The following DCAF6 variants were observed in gnomAD, a reference collection of about 807,000 sequenced individuals.
DCAF6 encodes DDB1- and CUL4-associated factor 6.
Under a neutral mutation model 125.1 loss-of-function variants are expected in DCAF6, and 54 were observed. The ratio of observed to expected loss-of-function variants is 0.43; its 90% CI spans 0.35 to 0.54. The LOEUF is 0.54. Among genes scored for constraint, DCAF6 ranks in the 20% least tolerant of loss-of-function variants. DCAF6 has a pLI of 0.01. For synonymous variants in DCAF6, 371 were observed against 390.4 expected (o/e 0.95, Z 0.58); for missense variants, 934 against 1,161.7 (o/e 0.80, Z 2.85).
intron 11 of DCAF6, among the ~76,000 whole-genome samples, chr1:168,020,454 T>TA (rs1342449069): frequency 6.6e-6 from 1 of 152,160 alleles, no homozygotes; most frequent in Non-Finnish European, 1.5e-5. Flanking sequence ...TTTTTGGAAA[T>TA]ACACAGTAAT....
intron 2 of DCAF6, among the ~76,000 whole-genome samples, chr1:167,956,057 T>C (rs12744717): frequency 6.6e-6 from 1 of 152,210 alleles, no homozygotes; most frequent in Non-Finnish European, 1.5e-5. Context: ...TGAGCCGCTG[T>C]GCTTAGCTAA....
At chr1:167,940,190 A>G (rs2102617578) in intron 1 of DCAF6, among the ~76,000 whole-genome samples, 1 of 152,364 alleles carries the variant, frequency 6.6e-6, no homozygotes, top group East Asian at 1.9e-4. Context: ...GTGGGAATGA[A>G]GATGAATAAT....
At chr1:167,975,785 T>A (rs56870396) in intron 4 of DCAF6, among the ~76,000 whole-genome samples, 4,573 of 152,264 alleles carry the variant, frequency 0.03, 235 homozygotes, top group African/African-American at 0.1. Flanking sequence ...ACTCCTGAGT[T>A]CATACAATCC....
the DCAF6 span, chr1:167,924,401 C>T: frequency 9.8e-7 from 1 of 1,018,018 alleles, no homozygotes; most frequent in Non-Finnish European, 1.4e-6. Context: ...ACCAAGAATA[C>T]TCTAAAGTAT....
At chr1:167,886,702 C>G in the DCAF6 span, among the ~76,000 whole-genome samples, 2 of 152,128 alleles carry the variant, frequency 1.3e-5, no homozygotes, top group African/African-American at 4.8e-5. Context: ...CAAACAGGAT[C>G]CAATTAAACT....
chr1:167,960,844 T>C (rs957326637), intron 2 of DCAF6, among the ~76,000 whole-genome samples: 9 of 152,234 alleles, frequency 5.9e-5, no homozygotes, highest in African/African-American at 1.9e-4. Context: ...GCATCTCTTA[T>C]AAACTTTAGA....
chr1:168,010,276 ATTTG>A (rs1003659479), intron 10 of DCAF6, among the ~76,000 whole-genome samples: 7 of 152,094 alleles, frequency 4.6e-5, no homozygotes, highest in Admixed American at 1.3e-4. Flanking sequence ...ATATATATAT[ATTTG>A]TTTGTGCTTT....
intron 3 of DCAF6, among the ~76,000 whole-genome samples, chr1:167,968,769 C>T (rs906776022): frequency 6.6e-6 from 1 of 152,202 alleles, no homozygotes; most frequent in Non-Finnish European, 1.5e-5. Context: ...TCTTTCAGTG[C>T]TTTTTACTGG....
intron 21 of DCAF6, among the ~76,000 whole-genome samples, chr1:168,072,864 TCC>T (rs1322955145): frequency 2.0e-5 from 3 of 152,210 alleles, no homozygotes; most frequent in African/African-American, 7.2e-5. Flanking sequence ...ATCATTATCT[TCC>T]CCAGTTTCCT....
intron 12 of DCAF6, among the ~76,000 whole-genome samples, chr1:168,024,304 T>A (rs112665573): frequency 2.0e-5 from 3 of 152,054 alleles, no homozygotes; most frequent in Admixed American, 6.6e-5. Context: ...AAACATTTTT[T>A]AAAAAATTAG....
At chr1:167,963,148 C>A (rs980819694) in intron 2 of DCAF6, among the ~76,000 whole-genome samples, 1 of 151,940 alleles carries the variant, frequency 6.6e-6, no homozygotes, top group Non-Finnish European at 1.5e-5. Flanking sequence ...CCTGTAATCC[C>A]AGCTACTCGG....
chr1:167,964,087 A>G (rs903616569), intron 2 of DCAF6, among the ~76,000 whole-genome samples: 1 of 152,224 alleles, frequency 6.6e-6, no homozygotes. Flanking sequence ...CTCAATTAAG[A>G]ATAAGTAAAA....
At position 168,065,572 on chromosome 1, in the gene DCAF6, AT is replaced by A. The variant is rs752330890; in HGVS notation, c.2440-10del. ...TAACTTTGATTTGAATTTTTAAATA[AT>A]TTTTTTTAACCCTTAGATAAAAGAA... is the stretch of plus-strand genomic sequence containing the variant. On this transcript the variant is annotated splice_polypyrimidine_tract_variant and intron_variant, in intron 18 of 21. Transcript: ENST00000367840. 196 of 1,495,342 alleles carry A rather than the reference AT, an allele frequency of 1.3e-4. No individual in the cohort carries two copies. The Middle Eastern group carries it at 2.6e-3, about 20-fold the overall frequency. The allele number at this position is 1,495,342 out of a possible 1,614,324, so 92.6% of individuals were successfully genotyped here.
At chr1:167,888,453 A>G in the DCAF6 span, among the ~76,000 whole-genome samples, 1 of 151,614 alleles carries the variant, frequency 6.6e-6, no homozygotes. Flanking sequence ...TCAACATTTT[A>G]TAGTTTTCAC....
At chr1:167,865,864 C>A in the DCAF6 span, among the ~76,000 whole-genome samples, 6 of 152,174 alleles carry the variant, frequency 3.9e-5, no homozygotes, top group African/African-American at 1.4e-4. Context: ...GTCCACCAGG[C>A]GTGGGCTGCA....
intron 17 of DCAF6, among the ~76,000 whole-genome samples, chr1:168,062,934 CAG>C (rs1691790166): frequency 7.1e-6 from 1 of 140,856 alleles, no homozygotes; most frequent in South Asian, 2.2e-4. Context: ...TTTTTTGAGA[CAG>C]AGTCTCGCTC....
chr1:167,975,342 A>G (rs1389135830), intron 4 of DCAF6, among the ~76,000 whole-genome samples: 1 of 152,218 alleles, frequency 6.6e-6, no homozygotes, highest in Non-Finnish European at 1.5e-5. Context: ...ACTAGGCTTT[A>G]CCCTTTTAAA....
At chr1:167,882,443 C>T in the DCAF6 span, among the ~76,000 whole-genome samples, 1 of 146,848 alleles carries the variant, frequency 6.8e-6, no homozygotes, top group Non-Finnish European at 1.5e-5. Context: ...CGAGATCATG[C>T]CACTGCATTC....
chr1:168,044,795 G>T, intron 15 of DCAF6, 105 bp from the exon 16 acceptor site: 1 of 1,434,390 alleles, frequency 7.0e-7, no homozygotes, highest in Non-Finnish European at 9.6e-7. Flanking sequence ...CCTTATAGAG[G>T]AATTAGACAT....
Sources: allele counts gnomAD v4.1 joint callset (sites outside exome capture counted in the v4.1 genomes callset), GRCh38; gene constraint gnomAD v4.1.1; transcripts MANE v1.5; gene names NCBI Gene and HGNC (gene_info 2026-07-23, HGNC 2026-07-21).